The following SLAIN2 variants were observed in gnomAD, a reference collection of about 807,000 sequenced individuals.
The protein encoded by SLAIN2 is SLAIN family member 2.
Under a neutral mutation model 56.6 loss-of-function variants are expected in SLAIN2, and 31 were observed. The ratio of observed to expected loss-of-function variants is 0.55; its 90% CI spans 0.41 to 0.74. The LOEUF (loss-of-function observed/expected upper bound fraction) is 0.74. Ranked by LOEUF, SLAIN2 falls within the 30% of genes least tolerant of loss-of-function variation. SLAIN2 has a pLI of 0.00. For missense variants in SLAIN2, 777 were observed against 754.2 expected (o/e 1.03, Z -0.35); for synonymous variants, 317 against 284.9 (o/e 1.11, Z -1.13).
Position 48,404,247 on chromosome 4 carries a change from A to C in SLAIN2, c.1361-15878A>C, listed in dbSNP as rs74334073. Among the ~76,000 whole-genome samples, 816 of 152,204 alleles carry C rather than the reference A, an allele frequency of 5.4e-3. 10 individuals are homozygous for C. The highest frequency in any genetic ancestry group is 0.019 in the African/African-American group (769 of 41,542). ...TCTTGGCCCACCCTCCGACTTTTGC[A>C]TTTCTAATGATTAGATTTTAAAATG... is the stretch of plus-strand genomic sequence containing the variant. On this transcript the variant is annotated intron_variant, in intron 6 of 7. Transcript: ENST00000264313.
At chr4:48,384,568 T>G (rs1716054203) in intron 6 of SLAIN2, among the ~76,000 whole-genome samples, 1 of 152,196 alleles carries the variant, frequency 6.6e-6, no homozygotes, top group Non-Finnish European at 1.5e-5. Flanking sequence ...AACAAATTCT[T>G]AGAGTTAAAG....
intron 1 of SLAIN2, among the ~76,000 whole-genome samples, chr4:48,360,637 C>T (rs181852262): frequency 6.6e-6 from 1 of 152,152 alleles, no homozygotes; most frequent in East Asian, 1.9e-4. Flanking sequence ...ATAAAGTGTA[C>T]TGTGGTTTTC....
intron 1 of SLAIN2, among the ~76,000 whole-genome samples, chr4:48,362,334 C>G (rs1316795109): frequency 3.3e-5 from 5 of 151,764 alleles, no homozygotes; most frequent in African/African-American, 1.2e-4. Flanking sequence ...TATGTGAAAA[C>G]ATGTGGACTT....
In SLAIN2 at chr4:48,341,932, C is replaced by G; in HGVS notation, c.193C>G (p.Arg65Gly). The G allele has an allele frequency of 6.7e-7, 1 of 1,500,168 alleles. No homozygotes were observed. Among genetic ancestry groups the G allele is most frequent in the Non-Finnish European group, 8.9e-7 (1 of 1,126,978 alleles). 92.9% of individuals were successfully genotyped at this position (1,500,168 alleles called of 1,614,324 possible). A position where few individuals can be genotyped will look rare whatever the true frequency, so the allele number is the denominator to read the frequency against. Residue 65 changes from arginine (R) to glycine (G), a missense_variant, in exon 1 of 8, where the codon CGG (arginine) becomes GGG (glycine). Coordinates refer to ENST00000264313, the MANE Select transcript of SLAIN2 (RefSeq NM_020846.2). ...SIPSSGAASP[R>G]GFPLGLSAKS... ...TCCCTCCTCCGGCGCGGCGTCTCCT[C>G]GGGGCTTCCCCTTGGGCCTCAGCGC...
chr4:48,379,949 A>G, intron 4 of SLAIN2, 101 bp downstream of exon 4: 1 of 1,092,840 alleles, frequency 9.2e-7, no homozygotes, highest in Non-Finnish European at 1.2e-6. Flanking sequence ...TAATGTAGTG[A>G]AAGTAGAAAT....
rs144101218 is a variant in SLAIN2, at chr4:48,418,074, T to TTTCTTC, written c.1361-2038_1361-2033dup. On this transcript the variant is annotated intron_variant, in intron 6 of 7. Coordinates refer to ENST00000264313, the MANE Select transcript of SLAIN2 (RefSeq NM_020846.2). ...CTAACCTCTGTGCCTTTTATTATTA[T>TTTCTTC]TTCTTCTTCTTCTTCTTCCTCTTCC... Among the ~76,000 whole-genome samples, 4 of 151,504 alleles carry TTTCTTC rather than the reference T, an allele frequency of 2.6e-5. No homozygotes were observed. The South Asian group carries it at 8.4e-4, about 32-fold the overall frequency.
intron 1 of SLAIN2, among the ~76,000 whole-genome samples, chr4:48,352,293 A>G (rs1330735831): frequency 6.6e-6 from 1 of 152,180 alleles, no homozygotes; most frequent in Non-Finnish European, 1.5e-5. Flanking sequence ...GTCCACAGTG[A>G]TACTCTTTCC....
chr4:48,408,298 G>T (rs1411073248), intron 6 of SLAIN2, among the ~76,000 whole-genome samples: 1 of 151,728 alleles, frequency 6.6e-6, no homozygotes, highest in African/African-American at 2.4e-5. Context: ...ACCACTTCCA[G>T]CTTGGGCAAC....
chr4:48,397,283 T>C lies in SLAIN2; in HGVS notation c.1360+13499T>C, dbSNP rs201800672. Among the ~76,000 whole-genome samples the C allele has an allele frequency of 5.3e-4, 80 of 152,120 alleles. No individual in the cohort carries two copies. The East Asian group carries it at 0.014, about 27-fold the overall frequency. ...TGGGCAAAGGACATGAACAGACACT[T>C]CTCAAAAGAAGACATTCATGCGGCC... On this transcript the variant is annotated intron_variant, in intron 6 of 7. Transcript: ENST00000264313.
chr4:48,345,678 A>AT (rs570732278), intron 1 of SLAIN2, among the ~76,000 whole-genome samples: 20 of 149,742 alleles, frequency 1.3e-4, no homozygotes, highest in East Asian at 5.9e-4. Flanking sequence ...CTTTTATTTT[A>AT]TTTTTTTTTA....
At position 48,412,809 on chromosome 4, in the gene SLAIN2, C is replaced by T. The variant is rs2109785875; in HGVS notation, c.1361-7316C>T. On this transcript the variant is annotated intron_variant, in intron 6 of 7. Coordinates refer to ENST00000264313, the MANE Select transcript of SLAIN2 (RefSeq NM_020846.2). The stretch of plus-strand genomic sequence containing the variant: ...AAATCAAAGGTTTCTGTGTCTTTCT[C>T]TTTTATGGTTACTTGTCAGCAATTG... 1.3e-5 allele frequency among the ~76,000 whole-genome samples: 2 copies of T among 152,246 alleles called. 1 individual carries two copies. Among genetic ancestry groups the T allele is most frequent in the South Asian group, 4.2e-4 (2 of 4,818 alleles).
At chr4:48,383,206 A>G (rs1274052632) in intron 5 of SLAIN2, among the ~76,000 whole-genome samples, 1 of 151,920 alleles carries the variant, frequency 6.6e-6, no homozygotes, top group Non-Finnish European at 1.5e-5. Flanking sequence ...AGATTAAAAA[A>G]AGAGAAAAAG....
chr4:48,351,669 A>T (rs1703973), intron 1 of SLAIN2, among the ~76,000 whole-genome samples: 84,223 of 152,092 alleles, frequency 0.55, 23,868 homozygotes, highest in South Asian at 0.69. Flanking sequence ...TAATCTAGTT[A>T]TATCTTAATT....
intron 6 of SLAIN2, among the ~76,000 whole-genome samples, chr4:48,402,689 T>C (rs975257327): frequency 3.9e-5 from 6 of 152,216 alleles, no homozygotes; most frequent in African/African-American, 7.2e-5. Flanking sequence ...CTTCTTTGCA[T>C]TGGGCTCAGC....
intron 6 of SLAIN2, among the ~76,000 whole-genome samples, chr4:48,413,893 A>C (rs1431969892): frequency 6.6e-6 from 1 of 152,220 alleles, no homozygotes; most frequent in Non-Finnish European, 1.5e-5. Flanking sequence ...TTTTCAGTGA[A>C]TATCAAGTTA....
intron 1 of SLAIN2, among the ~76,000 whole-genome samples, chr4:48,349,561 A>G (rs1714958079): frequency 6.6e-6 from 1 of 152,346 alleles, no homozygotes; most frequent in East Asian, 1.9e-4. Flanking sequence ...CGCTCTGTTT[A>G]GTAGGATTAC....
In SLAIN2 at chr4:48,382,892, C is replaced by T; in HGVS notation, c.1187C>T (p.Pro396Leu). 1 of 1,611,920 alleles carries T rather than the reference C, an allele frequency of 6.2e-7. No homozygotes were observed. The highest frequency in any genetic ancestry group is 1.1e-5 in the South Asian group (1 of 90,792). ...QQPRLSLQGH[P>L]TDLQTSNVKN... is the part of the protein sequence containing the mutation. Reference sequence around the variant, plus strand: ...CCTCGCCTTTCACTTCAAGGCCATCCCACAGATTTACAGACAAGCAATGTT... The same window carrying T: ...CCTCGCCTTTCACTTCAAGGCCATCTCACAGATTTACAGACAAGCAATGTT... Residue 396 changes from proline to leucine, a missense_variant, in exon 5 of 8, where the codon CCC becomes CTC. Coordinates refer to ENST00000264313, the MANE Select transcript of SLAIN2 (RefSeq NM_020846.2).
intron 6 of SLAIN2, among the ~76,000 whole-genome samples, chr4:48,388,402 A>C (rs1399849669): frequency 1.3e-5 from 2 of 152,210 alleles, no homozygotes; most frequent in East Asian, 3.8e-4. Context: ...CAGAAAGTTT[A>C]GTTTCCAGAA....
chr4:48,376,965 G>C (rs575080006), intron 2 of SLAIN2, among the ~76,000 whole-genome samples: 1 of 143,758 alleles, frequency 7.0e-6, no homozygotes, highest in African/African-American at 2.6e-5. Flanking sequence ...CCTTAAACTG[G>C]CTTAATAATA....
Sources: allele counts gnomAD v4.1 joint callset (sites outside exome capture counted in the v4.1 genomes callset), GRCh38; gene constraint gnomAD v4.1.1; transcripts MANE v1.5; gene names NCBI Gene and HGNC (gene_info 2026-07-23, HGNC 2026-07-21).